Variants in DIP2A observed in about 807,000 individuals in gnomAD.
The protein encoded by DIP2A is disco-interacting protein 2 homolog A.
DIP2A carries 85 observed loss-of-function variants against 177.4 expected under a neutral mutation model. That is an observed-to-expected ratio of 0.48 (90% CI 0.40 to 0.57). DIP2A has a LOEUF of 0.57. Ranked by LOEUF, DIP2A falls within the 20% of genes least tolerant of loss-of-function variation. The pLI, the probability that DIP2A is intolerant of heterozygous loss-of-function variation, is 0.00. For synonymous variants in DIP2A, 886 were observed against 881.8 expected (o/e 1.00, Z -0.08); for missense variants, 1,791 against 2,100.2 (o/e 0.85, Z 2.88).
At chr21:46,464,844 T>TCCCC (rs1555859365) in intron 1 of DIP2A, among the ~76,000 whole-genome samples, 3 of 111,232 alleles carry the variant, frequency 2.7e-5, no homozygotes, top group East Asian at 2.3e-4. Context: ...TTTTTTTTTT[T>TCCCC]CAAGAAAACA....
At chr21:46,560,879 T>C in intron 33 of DIP2A, 96 bp downstream of exon 33, 5 of 1,519,780 alleles carry the variant, frequency 3.3e-6, no homozygotes, top group Non-Finnish European at 4.4e-6. Flanking sequence ...GACCCAGGCA[T>C]TAGAGGACGG....
At chr21:46,573,131 G>T (rs1244784646), downstream of DIP2A, among the ~76,000 whole-genome samples, 2 of 148,256 alleles carry the variant, frequency 1.3e-5, no homozygotes, top group Non-Finnish European at 3.0e-5. Context: ...GGATTTAAAT[G>T]TTTCATTAAA....
At chr21:46,471,936 G>A (rs899947112) in intron 1 of DIP2A, among the ~76,000 whole-genome samples, 1 of 152,136 alleles carries the variant, frequency 6.6e-6, no homozygotes, top group Non-Finnish European at 1.5e-5. Context: ...CAGACAAAGA[G>A]CTTTTACACT....
intron 8 of DIP2A, among the ~76,000 whole-genome samples, chr21:46,518,374 C>T (rs1283244591): frequency 1.3e-5 from 2 of 152,148 alleles, no homozygotes; most frequent in African/African-American, 4.8e-5. Flanking sequence ...GTGGGCCCTA[C>T]CTGCTCCCCA....
At chr21:46,490,541 T>G in intron 2 of DIP2A, 59 bp from the exon 3 acceptor site, 1 of 1,511,444 alleles carries the variant, frequency 6.6e-7, no homozygotes. Context: ...CAATGGACTT[T>G]TTCATAATTG....
chr21:46,544,810 G>C (rs1368808388), intron 18 of DIP2A, among the ~76,000 whole-genome samples: 3 of 152,138 alleles, frequency 2.0e-5, no homozygotes, highest in Non-Finnish European at 4.4e-5. Flanking sequence ...CACCCCATGT[G>C]GACCCGAGAG....
chr21:46,552,729 C>T (rs796735676), intron 25 of DIP2A, among the ~76,000 whole-genome samples: 6 of 152,326 alleles, frequency 3.9e-5, no homozygotes, highest in African/African-American at 1.4e-4. Context: ...TAAAATCAGT[C>T]TTTCCTGCTA....
chr21:46,515,468 A>C lies in DIP2A; in HGVS notation c.1102+3854A>C, dbSNP rs536478656. On this transcript the variant is annotated intron_variant, in intron 8 of 37. Transcript: ENST00000417564. ...ACACTTCCTCTTTTTTTTTTTTTAT[A>C]TATTCTCCTTGGCTTGCAGTTTAAG... 6.7e-5 allele frequency among the ~76,000 whole-genome samples: 10 copies of C among 148,402 alleles called. No homozygotes were observed. The East Asian group carries it at 2.0e-3, about 29-fold the overall frequency.
rs1056533592 is a variant in DIP2A, at chr21:46,557,458, C to A, written c.3630-127C>A. 8.3e-6 allele frequency: 10 copies of A among 1,198,834 alleles called. No homozygotes were observed. The East Asian group carries it at 2.3e-4, about 28-fold the overall frequency. The allele number at this position is 1,198,834 out of a possible 1,614,324, so 74.3% of individuals were successfully genotyped here. A position where few individuals can be genotyped will look rare whatever the true frequency, so the allele number is the denominator to read the frequency against. Reference sequence around the variant, plus strand: ...GCATGTTTTCCACCAAACCCCCCCACTTGGCGTCAGAACAGAAATCATGCC... The same window carrying A: ...GCATGTTTTCCACCAAACCCCCCCAATTGGCGTCAGAACAGAAATCATGCC... On this transcript the variant is annotated intron_variant, in intron 30 of 37. Coordinates refer to ENST00000417564, the MANE Select transcript of DIP2A (RefSeq NM_015151.4). The surrounding 1 kb of genome is among the most constrained non-coding windows in gnomAD (Gnocchi z 6.0).
chr21:46,556,912 T>C lies in DIP2A; in HGVS notation c.3499-27T>C. 6.6e-7 allele frequency: 1 copy of C among 1,518,124 alleles called. No individual in the cohort carries two copies. The highest frequency in any genetic ancestry group is 8.9e-7 in the Non-Finnish European group (1 of 1,127,600). 94.0% of individuals were successfully genotyped at this position (1,518,124 alleles called of 1,614,324 possible). ...CCTCCTGAATTTCATTTCACTTTTT[T>C]TTTTTGAACTTTATTTTACTCTTAA... On this transcript the variant is annotated intron_variant, in intron 29 of 37. Coordinates refer to ENST00000417564, the MANE Select transcript of DIP2A (RefSeq NM_015151.4). This position sits in a 1 kb window ranked among gnomAD's most constrained non-coding sequence, Gnocchi z 4.5.
chr21:46,523,171 C>T (rs908592738), intron 8 of DIP2A, among the ~76,000 whole-genome samples: 2 of 152,112 alleles, frequency 1.3e-5, no homozygotes, highest in Middle Eastern at 3.4e-3. Flanking sequence ...GTGATCCACC[C>T]GCCTTGGCCT....
chr21:46,574,541 A>G (rs758542983), downstream of DIP2A, among the ~76,000 whole-genome samples: 11 of 152,176 alleles, frequency 7.2e-5, no homozygotes, highest in Non-Finnish European at 1.3e-4. Flanking sequence ...GGTTTCTTTG[A>G]AAAGATCAAC....
chr21:46,495,669 A>G (rs1208407033), intron 3 of DIP2A, among the ~76,000 whole-genome samples: 1 of 151,870 alleles, frequency 6.6e-6, no homozygotes, highest in Non-Finnish European at 1.5e-5. Context: ...AGGCAGTGGT[A>G]CAGGCATAGC....
intron 28 of DIP2A, among the ~76,000 whole-genome samples, chr21:46,555,194 C>T (rs1429068932): frequency 2.6e-5 from 4 of 152,242 alleles, no homozygotes; most frequent in African/African-American, 4.8e-5. Flanking sequence ...TCACCCGCCT[C>T]CTACTGGCAT....
At chr21:46,522,704 C>T (rs2058877372) in intron 8 of DIP2A, among the ~76,000 whole-genome samples, 1 of 152,140 alleles carries the variant, frequency 6.6e-6, no homozygotes, top group Non-Finnish European at 1.5e-5. Flanking sequence ...GAAATCAAAA[C>T]CGTCAGATAA....
rs1162872343 is a variant in DIP2A, at chr21:46,528,527, C to CTTTTTTTTTTTTT, written c.1103-536_1103-524dup. On this transcript the variant is annotated intron_variant, in intron 8 of 37. Coordinates refer to ENST00000417564, the MANE Select transcript of DIP2A (RefSeq NM_015151.4). The stretch of plus-strand genomic sequence containing the variant: ...ACCAAATACTGACTTTTTCTGCTTG[C>CTTTTTTTTTTTTT]TTTTTTTTTTTTTTTTTTTTTTTTT... Among the ~76,000 whole-genome samples, 19 of 29,406 alleles carry CTTTTTTTTTTTTT rather than the reference C, an allele frequency of 6.5e-4. 3 individuals carry two copies. Among genetic ancestry groups the CTTTTTTTTTTTTT allele is most frequent in the Non-Finnish European group, 8.3e-4 (15 of 17,976 alleles). The allele number at this position is 29,406 out of a possible 152,430, so 19.3% of individuals were successfully genotyped here.
the DIP2A span, among the ~76,000 whole-genome samples, chr21:46,577,529 T>G: frequency 6.6e-6 from 1 of 152,250 alleles, no homozygotes; most frequent in Admixed American, 6.5e-5. Flanking sequence ...TTTTAGTTAC[T>G]GTAGCCTTGC....
At chr21:46,543,327 T>C (rs1246173138) in intron 18 of DIP2A, among the ~76,000 whole-genome samples, 1 of 152,222 alleles carries the variant, frequency 6.6e-6, no homozygotes, top group East Asian at 1.9e-4. Context: ...TGATTCTGAA[T>C]GAATCTTAGG....
At chr21:46,543,155 G>C (rs1338074096) in intron 18 of DIP2A, among the ~76,000 whole-genome samples, 1 of 151,392 alleles carries the variant, frequency 6.6e-6, no homozygotes, top group Non-Finnish European at 1.5e-5. Context: ...TGAACCTGTC[G>C]TAAAATAATT....
Sources: gnomAD v4.1 joint callset for allele counts (sites outside exome capture counted in the v4.1 genomes callset) on GRCh38, gnomAD v4.1.1 for gene constraint, Gnocchi (gnomAD v3.1) non-coding constraint, MANE v1.5 for transcripts, NCBI Gene and HGNC (gene_info 2026-07-23, HGNC 2026-07-21) for gene names.